NRG4: variants seen among roughly 807,000 people sequenced by gnomAD.
The protein encoded by NRG4 is neuregulin 4.
A neutral mutation model predicts 15.0 loss-of-function variants in NRG4; 10 were observed. The observed-to-expected ratio is 0.67, with a 90% CI of 0.41 to 1.13. NRG4 has a LOEUF of 1.13. Ranked by LOEUF, NRG4 falls within the 50% of genes most tolerant of loss-of-function variation. The pLI is 0.00. For synonymous variants in NRG4, 41 were observed against 50.1 expected, an observed-to-expected ratio of 0.82 and a Z score of 0.77; for missense variants, 139 against 140.2, an observed-to-expected ratio of 0.99 and a Z score of 0.04.
intron 5 of NRG4, among the ~76,000 whole-genome samples, chr15:75,951,979 G>A (rs964245246): frequency 6.6e-6 from 1 of 152,044 alleles, no homozygotes; most frequent in Non-Finnish European, 1.5e-5. Flanking sequence ...ATTTACTTTA[G>A]TGAGGTTCTG....
chr15:75,981,213 C>T (rs1261827327), intron 3 of NRG4, among the ~76,000 whole-genome samples: 1 of 152,156 alleles, frequency 6.6e-6, no homozygotes, highest in Admixed American at 6.5e-5. Flanking sequence ...CTTCCACTGT[C>T]GTCTATTGGA....
intron 5 of NRG4, among the ~76,000 whole-genome samples, chr15:76,032,029 T>A (rs1041340155): frequency 2.0e-5 from 3 of 152,152 alleles, no homozygotes; most frequent in African/African-American, 7.2e-5. Flanking sequence ...TACCCACTAA[T>A]AAGACTTTAT....
chr15:76,055,060 A>C (rs2036121517), intron 2 of NRG4, among the ~76,000 whole-genome samples: 1 of 152,170 alleles, frequency 6.6e-6, no homozygotes, highest in South Asian at 2.1e-4. Flanking sequence ...TGGGTAGATC[A>C]CTTGAAGTCA....
At chr15:76,024,034 T>C (rs551911108) in intron 5 of NRG4, among the ~76,000 whole-genome samples, 2 of 152,306 alleles carry the variant, frequency 1.3e-5, no homozygotes, top group South Asian at 4.1e-4. Flanking sequence ...CCACCTCTCC[T>C]GCTGAGACAC....
At chr15:75,993,707 A>G (rs997159424) in intron 3 of NRG4, among the ~76,000 whole-genome samples, 2 of 152,178 alleles carry the variant, frequency 1.3e-5, no homozygotes, top group African/African-American at 2.4e-5. Context: ...CAAAAAAAAA[A>G]AAAATCTGTT....
At chr15:75,971,422 AAGG>A (rs1368283606) in intron 3 of NRG4, among the ~76,000 whole-genome samples, 3 of 152,190 alleles carry the variant, frequency 2.0e-5, no homozygotes, top group African/African-American at 7.2e-5. Context: ...GCCCACTGGG[AAGG>A]AGAACACCTC....
intron 3 of NRG4, among the ~76,000 whole-genome samples, chr15:75,992,684 A>C (rs1190534761): frequency 6.6e-6 from 1 of 152,062 alleles, no homozygotes; most frequent in African/African-American, 2.4e-5. Context: ...TCTACTTTCT[A>C]TCTCTATAAA....
At chr15:76,042,751 C>G (rs901730932) in intron 4 of NRG4, among the ~76,000 whole-genome samples, 1 of 152,118 alleles carries the variant, frequency 6.6e-6, no homozygotes, top group Non-Finnish European at 1.5e-5. Flanking sequence ...AATACCAATA[C>G]TACTCAAACT....
chr15:76,003,365 A>G (rs2034482200), intron 3 of NRG4, among the ~76,000 whole-genome samples: 1 of 152,144 alleles, frequency 6.6e-6, no homozygotes, highest in Non-Finnish European at 1.5e-5. Context: ...ATAGATGAAC[A>G]TAAGATAATG....
chr15:76,017,068 A>G (rs550086849), upstream of NRG4, among the ~76,000 whole-genome samples: 1 of 147,964 alleles, frequency 6.8e-6, no homozygotes, highest in African/African-American at 2.5e-5. Flanking sequence ...TGATCCCTTT[A>G]CCATTATGTA....
At chr15:76,060,195 GGGCAGCC>G (rs1162684839), upstream of NRG4, among the ~76,000 whole-genome samples, 2 of 151,972 alleles carry the variant, frequency 1.3e-5, no homozygotes, top group East Asian at 3.9e-4. Context: ...AGGGTGCGTG[GGGCAGCC>G]CAGGGCTTCA....
At chr15:76,059,342 C>G (rs1264973978) in intron 1 of NRG4, among the ~76,000 whole-genome samples, 1 of 152,224 alleles carries the variant, frequency 6.6e-6, no homozygotes, top group East Asian at 1.9e-4. Flanking sequence ...GTGTTTTCCC[C>G]TCGGTGGCCT....
At chr15:75,993,415 A>G (rs1469075059) in intron 3 of NRG4, among the ~76,000 whole-genome samples, 1 of 150,402 alleles carries the variant, frequency 6.6e-6, no homozygotes, top group Non-Finnish European at 1.5e-5. Flanking sequence ...AAAAAAAAAA[A>G]AAAAATTCTG....
In NRG4 at chr15:76,001,276, C is replaced by T. The variant is rs945952735; in HGVS notation, c.104+7924G>A. 3.3e-5 allele frequency among the ~76,000 whole-genome samples: 5 copies of T among 152,006 alleles called. No individual in the cohort carries two copies. The East Asian group carries it at 7.7e-4, about 23-fold the overall frequency. On this transcript the variant is annotated intron_variant, in intron 3 of 5. Transcript: ENST00000394907. ...CCTCCCAAAGTGCTGGGACTACAGG[C>T]GTGAGCTACCATGCCTGGCCCCAAT...
chr15:76,007,796 A>C (rs1309972734), intron 3 of NRG4, among the ~76,000 whole-genome samples: 1 of 152,202 alleles, frequency 6.6e-6, no homozygotes, highest in Non-Finnish European at 1.5e-5. Context: ...ATCACCTTAG[A>C]AAGAATCCAG....
At chr15:76,026,289 C>T (rs1347184840) in intron 5 of NRG4, among the ~76,000 whole-genome samples, 1 of 151,942 alleles carries the variant, frequency 6.6e-6, no homozygotes, top group Non-Finnish European at 1.5e-5. Context: ...TCTAAAACTG[C>T]AAGAGAAAAG....
chr15:76,023,859 A>G (rs1431592254), intron 5 of NRG4, among the ~76,000 whole-genome samples: 4 of 152,314 alleles, frequency 2.6e-5, no homozygotes, highest in Non-Finnish European at 5.9e-5. Flanking sequence ...AGTCCTACCC[A>G]GGGTGAACCC....
Position 75,992,001 on chromosome 15 carries a change from C to A in NRG4, c.104+17199G>T, listed in dbSNP as rs1258263901. On this transcript the variant is annotated intron_variant, in intron 3 of 5. Coordinates refer to ENST00000394907, the MANE Select transcript of NRG4 (RefSeq NM_138573.4). ...GAATTTCATTCTCATTATCTATAAACCTTTTAGCCAACTCTGCATTACATT... is the reference window on the plus strand; with the variant it reads ...GAATTTCATTCTCATTATCTATAAAACTTTTAGCCAACTCTGCATTACATT... Among the ~76,000 whole-genome samples the A allele has an allele frequency of 2.0e-5, 3 of 152,052 alleles. No homozygotes were observed. In the South Asian group the frequency reaches 6.2e-4, roughly 32 times the overall value.
intron 5 of NRG4, among the ~76,000 whole-genome samples, chr15:75,955,524 G>C (rs372815094): frequency 6.6e-6 from 1 of 151,890 alleles, no homozygotes; most frequent in East Asian, 1.9e-4. Context: ...CTCCATCTTG[G>C]CCAGAAGTCT....
Sources: allele counts gnomAD v4.1 joint callset (sites outside exome capture counted in the v4.1 genomes callset), GRCh38; gene constraint gnomAD v4.1.1; transcripts MANE v1.5; gene names NCBI Gene and HGNC (gene_info 2026-07-23, HGNC 2026-07-21).